AFF3: variants seen among roughly 807,000 people sequenced by gnomAD.
AFF3 encodes AF4/FMR2 family member 3.
In AFF3, 32 loss-of-function variants were observed where a neutral mutation model predicts 129.7. The observed-to-expected ratio is 0.25, with a 90% CI of 0.19 to 0.33. The LOEUF (loss-of-function observed/expected upper bound fraction) is 0.33. AFF3 is among the 10% of genes least tolerant of loss of function. The probability of loss-of-function intolerance (pLI) is 1.00; values close to 1 mark genes in which losing one functional copy is unlikely to be tolerated. For missense variants in AFF3, 1,373 were observed against 1,592.0 expected, an observed-to-expected ratio of 0.86 and a Z score of 2.34; for synonymous variants, 644 against 635.4, an observed-to-expected ratio of 1.01 and a Z score of -0.20.
intron 4 of AFF3, among the ~76,000 whole-genome samples, chr2:100,056,716 A>T (rs970860837): frequency 3.9e-5 from 6 of 152,122 alleles, no homozygotes; most frequent in African/African-American, 1.4e-4. Flanking sequence ...TGTCCATGTC[A>T]TTTGTTTACT....
intron 7 of AFF3, among the ~76,000 whole-genome samples, chr2:99,869,474 C>T (rs1285607603): frequency 6.6e-6 from 1 of 152,110 alleles, no homozygotes; most frequent in Non-Finnish European, 1.5e-5. Context: ...TTGATAGGCT[C>T]GCTACTGCAT....
intron 7 of AFF3, among the ~76,000 whole-genome samples, chr2:99,920,044 A>C (rs77902574): frequency 0.012 from 1,835 of 152,238 alleles, 42 homozygotes; most frequent in African/African-American, 0.042. Context: ...AAATAACTCT[A>C]TATCTGTTTA....
chr2:99,712,665 C>T (rs576777960), intron 11 of AFF3, among the ~76,000 whole-genome samples: 6 of 152,192 alleles, frequency 3.9e-5, no homozygotes, highest in Non-Finnish European at 8.8e-5. Context: ...TCAGTACACA[C>T]ATTCACAAAG....
intron 4 of AFF3, among the ~76,000 whole-genome samples, chr2:100,057,718 C>T (rs1475226924): frequency 6.6e-6 from 1 of 152,152 alleles, no homozygotes; most frequent in East Asian, 1.9e-4. Flanking sequence ...AAGTCTTTCT[C>T]ATCTTGACAA....
At chr2:99,894,759 G>A (rs1693820241) in intron 7 of AFF3, among the ~76,000 whole-genome samples, 1 of 152,120 alleles carries the variant, frequency 6.6e-6, no homozygotes, top group Non-Finnish European at 1.5e-5. Flanking sequence ...ACAGGCGTGA[G>A]CCACTGCACC....
chr2:99,559,096 C>G (rs1434123779), intron 21 of AFF3, 128 bp from the exon 22 acceptor site: 4 of 745,732 alleles, frequency 5.4e-6, no homozygotes, highest in Non-Finnish European at 9.0e-6. Context: ...GGAAATCTTT[C>G]TATACGTGCA....
intron 4 of AFF3, among the ~76,000 whole-genome samples, chr2:100,078,185 G>A (rs958962955): frequency 3.2e-4 from 48 of 152,196 alleles, no homozygotes; most frequent in African/African-American, 1.1e-3. Flanking sequence ...GACAACATCC[G>A]TTCACAGGCT....
At chr2:100,107,769 G>A (rs764273460) in intron 2 of AFF3, among the ~76,000 whole-genome samples, 6 of 152,160 alleles carry the variant, frequency 3.9e-5, no homozygotes, top group Non-Finnish European at 8.8e-5. Context: ...CTCACATTCT[G>A]CCAACCTAGT....
chr2:99,884,291 C>T (rs1202206989), intron 7 of AFF3, among the ~76,000 whole-genome samples: 1 of 152,186 alleles, frequency 6.6e-6, no homozygotes, highest in Non-Finnish European at 1.5e-5. Context: ...TTAACACATC[C>T]ATCACCTCAC....
intron 4 of AFF3, among the ~76,000 whole-genome samples, chr2:100,009,661 AT>A (rs1176312141): frequency 2.0e-5 from 3 of 152,216 alleles, no homozygotes; most frequent in African/African-American, 4.8e-5. Flanking sequence ...TCAAAATACA[AT>A]TATGAAGTGG....
At chr2:100,070,811 T>C (rs904436513) in intron 4 of AFF3, among the ~76,000 whole-genome samples, 6 of 152,180 alleles carry the variant, frequency 3.9e-5, no homozygotes, top group African/African-American at 1.4e-4. Context: ...ATCTGTTGAA[T>C]GAAGTAATTA....
intron 8 of AFF3, among the ~76,000 whole-genome samples, chr2:99,766,733 T>C (rs951237937): frequency 3.9e-5 from 6 of 152,168 alleles, no homozygotes; most frequent in African/African-American, 4.8e-5. Context: ...GAAGACTGAA[T>C]CAGTATAGCC....
At chr2:99,912,602 C>G (rs1245123686) in intron 7 of AFF3, among the ~76,000 whole-genome samples, 1 of 151,998 alleles carries the variant, frequency 6.6e-6, no homozygotes, top group Non-Finnish European at 1.5e-5. Flanking sequence ...CAAATGGGCC[C>G]TCGAGATCAG....
chr2:99,993,350 T>C (rs1281307002), intron 7 of AFF3, among the ~76,000 whole-genome samples: 1 of 152,122 alleles, frequency 6.6e-6, no homozygotes, highest in Non-Finnish European at 1.5e-5. Flanking sequence ...AACTTTTTCA[T>C]GAAAAATAAC....
chr2:99,793,232 A>G (rs1043251620), intron 8 of AFF3, among the ~76,000 whole-genome samples: 1 of 152,190 alleles, frequency 6.6e-6, no homozygotes, highest in Non-Finnish European at 1.5e-5. Context: ...GCTCCCTCTC[A>G]ATGTGACACG....
chr2:100,140,975 G>A (rs1316127154), intron 1 of AFF3, among the ~76,000 whole-genome samples: 1 of 130,666 alleles, frequency 7.7e-6, no homozygotes, highest in Non-Finnish European at 1.7e-5. Flanking sequence ...TGTACAAAAG[G>A]TAGTGATGAT....
At chr2:100,027,160 C>T (rs1209775565) in intron 4 of AFF3, among the ~76,000 whole-genome samples, 1 of 152,126 alleles carries the variant, frequency 6.6e-6, no homozygotes, top group Non-Finnish European at 1.5e-5. Flanking sequence ...TTAATCCCAA[C>T]CAAACTCCAG....
intron 7 of AFF3, among the ~76,000 whole-genome samples, chr2:99,950,678 T>C (rs754707172): frequency 7.2e-5 from 11 of 152,224 alleles, no homozygotes; most frequent in Non-Finnish European, 1.5e-4. Context: ...AATTCATAGA[T>C]TGAAAATTTA....
At chr2:99,822,941 G>C (rs1687800860) in intron 8 of AFF3, among the ~76,000 whole-genome samples, 1 of 152,174 alleles carries the variant, frequency 6.6e-6, no homozygotes, top group South Asian at 2.1e-4. Context: ...TTGTAGACCA[G>C]ACAGGAGGTT....
Sources: gnomAD v4.1 joint callset for allele counts (sites outside exome capture counted in the v4.1 genomes callset) on GRCh38, gnomAD v4.1.1 for gene constraint, MANE v1.5 for transcripts, NCBI Gene and HGNC (gene_info 2026-07-23, HGNC 2026-07-21) for gene names.